Variants in SPATA6L observed in about 807,000 individuals in gnomAD.
The protein encoded by SPATA6L is spermatogenesis associated 6-like protein.
Under a neutral mutation model 49.2 loss-of-function variants are expected in SPATA6L, and 68 were observed. That is an observed-to-expected ratio of 1.38 (90% confidence interval 1.14 to 1.69). The LOEUF is 1.69. Ranked by LOEUF, SPATA6L falls within the 40% of genes most tolerant of loss-of-function variation. The pLI is 0.00. For synonymous variants in SPATA6L, 198 were observed against 165.7 expected (o/e 1.19, Z -1.50); for missense variants, 668 against 464.3 (o/e 1.44, Z -4.03).
chr9:4,660,228 T>C (rs1839294631), intron 2 of SPATA6L, among the ~76,000 whole-genome samples: 1 of 152,142 alleles, frequency 6.6e-6, no homozygotes, highest in Non-Finnish European at 1.5e-5. Context: ...GAAACTACCA[T>C]TAGAGTGAAC....
chr9:4,618,190 G>A (rs1828457888), intron 8 of SPATA6L, 80 bp from the exon 9 acceptor site: 13 of 1,254,480 alleles, frequency 1.0e-5, no homozygotes, highest in Middle Eastern at 2.0e-4. Context: ...GGTTGGACAA[G>A]GAAGATAACT....
intron 3 of SPATA6L, among the ~76,000 whole-genome samples, chr9:4,654,556 T>A (rs1391298734): frequency 6.6e-6 from 1 of 152,218 alleles, no homozygotes; most frequent in Non-Finnish European, 1.5e-5. Flanking sequence ...CCGGGTTTCT[T>A]GCCTTGGTGT....
intron 5 of SPATA6L, chr9:4,627,759 C>A: frequency 7.8e-7 from 1 of 1,289,266 alleles, no homozygotes; most frequent in African/African-American, 1.5e-5. Context: ...TTACCAAAGA[C>A]GGACCATGAA....
Position 4,637,692 on chromosome 9 carries a change from G to A in SPATA6L, c.227-2293C>T, listed in dbSNP as rs1385304113. On this transcript the variant is annotated intron_variant, in intron 3 of 11. Coordinates refer to ENST00000682582, the MANE Select transcript of SPATA6L (RefSeq NM_001353486.2). The stretch of plus-strand genomic sequence containing the variant: ...CTTCAATGATGTTCTGAGATGAGTG[G>A]TGAAGTGCAGCATCCTGGATGCTGC... 2.0e-5 allele frequency among the ~76,000 whole-genome samples: 3 copies of A among 151,810 alleles called. No individual in the cohort carries two copies. In the East Asian group the frequency reaches 5.9e-4, roughly 30 times the overall value.
intron 9 of SPATA6L, among the ~76,000 whole-genome samples, chr9:4,615,050 C>T (rs1010463763): frequency 1.3e-5 from 2 of 152,138 alleles, no homozygotes; most frequent in Admixed American, 6.5e-5. Flanking sequence ...ACTCCTCTAA[C>T]TGCTGGAAGC....
chr9:4,609,612 C>G (rs10974651), intron 9 of SPATA6L, among the ~76,000 whole-genome samples: 8,163 of 149,968 alleles, frequency 0.054, 783 homozygotes, highest in African/African-American at 0.2. Flanking sequence ...ATGCTAAAAA[C>G]TCTCAATAAA....
chr9:4,637,460 C>T (rs137913431), intron 3 of SPATA6L, among the ~76,000 whole-genome samples: 32 of 152,298 alleles, frequency 2.1e-4, no homozygotes, highest in African/African-American at 6.7e-4. Flanking sequence ...GATCTGCTTC[C>T]ATCAAGGCTC....
At chr9:4,604,764 G>T (rs1311885888) in intron 10 of SPATA6L, among the ~76,000 whole-genome samples, 2 of 152,090 alleles carry the variant, frequency 1.3e-5, no homozygotes, top group Non-Finnish European at 2.9e-5. Flanking sequence ...TCAGCCACTG[G>T]GGGCACTGTT....
At chr9:4,592,248 G>C (rs894467704) in intron 13 of SPATA6L, among the ~76,000 whole-genome samples, 1 of 150,682 alleles carries the variant, frequency 6.6e-6, no homozygotes, top group Non-Finnish European at 1.5e-5. Flanking sequence ...CCTGGAGGTG[G>C]AGTTTGCAGT....
chr9:4,665,383 C>A (rs1840707892), intron 1 of SPATA6L: 1 of 152,260 alleles, frequency 6.6e-6, no homozygotes, highest in Non-Finnish European at 1.5e-5. Context: ...TATAGCACTA[C>A]TAATAAGGTC....
At chr9:4,612,059 C>T (rs545971101) in intron 9 of SPATA6L, among the ~76,000 whole-genome samples, 7 of 151,906 alleles carry the variant, frequency 4.6e-5, no homozygotes, top group East Asian at 3.9e-4. Flanking sequence ...AGGCTGGTCT[C>T]GAACTCCTGG....
Position 4,635,226 on chromosome 9 carries a change from C to G in SPATA6L, c.351+49G>C, listed in dbSNP as rs142399380. The G allele has an allele frequency of 1.9e-4, 275 of 1,462,166 alleles. No homozygotes were observed. In the African/African-American group the frequency reaches 3.8e-3, roughly 20 times the overall value. 90.6% of individuals were successfully genotyped at this position (1,462,166 alleles called of 1,614,324 possible). The stretch of plus-strand genomic sequence containing the variant: ...CTGTCAGGAATAAAACGTTCAGGTC[C>G]CAAGAGTTTCTCTCCTAATAGAAGC... On this transcript the variant is annotated intron_variant, in intron 4 of 11. Transcript: ENST00000682582.
At chr9:4,619,515 G>A (rs976478003) in intron 7 of SPATA6L, among the ~76,000 whole-genome samples, 1 of 152,082 alleles carries the variant, frequency 6.6e-6, no homozygotes. Flanking sequence ...AAGTGAATGA[G>A]TAAGTTCAAT....
Position 4,662,324 on chromosome 9 carries a change from G to C in SPATA6L, c.40-288C>G. 3 of 1,447,540 alleles carry C rather than the reference G, an allele frequency of 2.1e-6. No individual in the cohort carries two copies. Among genetic ancestry groups the C allele is most frequent in the Non-Finnish European group, 2.7e-6 (3 of 1,106,162 alleles). The allele number at this position is 1,447,540 out of a possible 1,614,324, so 89.7% of individuals were successfully genotyped here. On this transcript the variant is annotated intron_variant, in intron 1 of 11. Coordinates refer to ENST00000682582, the MANE Select transcript of SPATA6L (RefSeq NM_001353486.2). This position sits in a 1 kb window ranked among gnomAD's most constrained non-coding sequence, Gnocchi z 4.9. ...GGAAGCGGAAGAGGCTGCAGGGCCG[G>C]GAAGCCTCTGTTTGGTCCGGCCAGG...
intron 3 of SPATA6L, among the ~76,000 whole-genome samples, chr9:4,651,624 T>C (rs1474312282): frequency 6.6e-6 from 1 of 152,142 alleles, no homozygotes; most frequent in Admixed American, 6.5e-5. Flanking sequence ...TCCAGCAACA[T>C]ATAGAAAGGC....
At chr9:4,654,809 T>C (rs1173424320) in intron 3 of SPATA6L, among the ~76,000 whole-genome samples, 2 of 152,154 alleles carry the variant, frequency 1.3e-5, no homozygotes, top group Non-Finnish European at 2.9e-5. Context: ...CTCCGTCTGT[T>C]ACAGGCACAG....
chr9:4,611,915 C>A (rs775559685), intron 9 of SPATA6L, among the ~76,000 whole-genome samples: 1 of 152,082 alleles, frequency 6.6e-6, no homozygotes, highest in Non-Finnish European at 1.5e-5. Context: ...ATGATCATAG[C>A]TCACTGCAAC....
At chr9:4,659,978 T>C (rs1482277338) in intron 2 of SPATA6L, among the ~76,000 whole-genome samples, 3 of 152,220 alleles carry the variant, frequency 2.0e-5, no homozygotes, top group African/African-American at 4.8e-5. Flanking sequence ...GCTAACCATA[T>C]GTAGAAAGCT....
chr9:4,596,737 T>C (rs1463522464), downstream of SPATA6L, among the ~76,000 whole-genome samples: 3 of 152,204 alleles, frequency 2.0e-5, no homozygotes, highest in African/African-American at 7.2e-5. Context: ...TCTGAGTTCA[T>C]GTTTTTCAAA....
Sources: gnomAD v4.1 joint callset for allele counts (sites outside exome capture counted in the v4.1 genomes callset) on GRCh38, gnomAD v4.1.1 for gene constraint, Gnocchi (gnomAD v3.1) non-coding constraint, MANE v1.5 for transcripts, NCBI Gene and HGNC (gene_info 2026-07-23, HGNC 2026-07-21) for gene names.